Variants in RASA2 observed in about 807,000 individuals in gnomAD.
RASA2 encodes the protein RAS p21 protein activator 2.
In RASA2, 155 loss-of-function variants were observed where a neutral mutation model predicts 118.2. The ratio of observed to expected loss-of-function variants is 1.31; its 90% confidence interval spans 1.15 to 1.50. RASA2 has a LOEUF of 1.50. RASA2 is among the 40% of genes most tolerant of loss of function. RASA2 has a pLI of 0.00. For synonymous variants in RASA2, 353 were observed against 349.1 expected (o/e 1.01, Z -0.12); for missense variants, 1,016 against 1,009.6 (o/e 1.01, Z -0.09).
intron 4 of RASA2, among the ~76,000 whole-genome samples, chr3:141,539,707 T>C (rs941359812): frequency 6.6e-6 from 1 of 152,196 alleles, no homozygotes; most frequent in East Asian, 1.9e-4. Flanking sequence ...TTAGAATTGT[T>C]AGCGCAGAAT....
chr3:141,550,555 T>C (rs1252742628), intron 5 of RASA2, among the ~76,000 whole-genome samples: 1 of 152,264 alleles, frequency 6.6e-6, no homozygotes, highest in Non-Finnish European at 1.5e-5. Flanking sequence ...TACAAAACGT[T>C]AACATTTGTT....
chr3:141,501,961 A>G (rs1017856911), intron 1 of RASA2, among the ~76,000 whole-genome samples: 5 of 151,888 alleles, frequency 3.3e-5, no homozygotes, highest in East Asian at 3.9e-4. Flanking sequence ...TGATATTTCT[A>G]TTACTGGTTG....
intron 5 of RASA2, among the ~76,000 whole-genome samples, chr3:141,542,503 TCCC>T (rs1318119145): frequency 6.6e-6 from 1 of 152,136 alleles, no homozygotes; most frequent in African/African-American, 2.4e-5. Context: ...TTGATTTTTT[TCCC>T]CCAACTTTAA....
intron 3 of RASA2, among the ~76,000 whole-genome samples, chr3:141,523,717 C>G (rs1262764653): frequency 1.3e-5 from 2 of 152,152 alleles, no homozygotes; most frequent in African/African-American, 4.8e-5. Context: ...AACTGACTAT[C>G]TTAGTAGACT....
intron 5 of RASA2, among the ~76,000 whole-genome samples, chr3:141,548,065 G>A (rs116044786): frequency 6.5e-4 from 99 of 152,200 alleles, no homozygotes; most frequent in Non-Finnish European, 1.1e-3. Flanking sequence ...TCTTTTTAAC[G>A]TGTTGTCGAA....
chr3:141,607,947 G>A lies in RASA2; in HGVS notation c.2016+187G>A, dbSNP rs550641951. Among the ~76,000 whole-genome samples the A allele has an allele frequency of 7.9e-5, 12 of 152,204 alleles. No homozygotes were observed. In the South Asian group the frequency reaches 2.3e-3, roughly 29 times the overall value. On this transcript the variant is annotated intron_variant, in intron 20 of 23. Transcript: ENST00000286364. ...ATCATTAATAGTTCATAAATAGCTA[G>A]CTGAAACTCTGTCTTAAAATTGTCC...
At chr3:141,517,948 C>G (rs1339908003) in intron 3 of RASA2, among the ~76,000 whole-genome samples, 1 of 152,082 alleles carries the variant, frequency 6.6e-6, no homozygotes, top group African/African-American at 2.4e-5. Context: ...AGCCACTGCT[C>G]CCGGCCAATA....
intron 9 of RASA2, among the ~76,000 whole-genome samples, chr3:141,561,033 G>A (rs541529001): frequency 4.6e-5 from 7 of 152,084 alleles, no homozygotes; most frequent in African/African-American, 1.7e-4. Flanking sequence ...AGATTTATTG[G>A]TCTTTATGTT....
At chr3:141,590,687 A>C (rs2083274416) in intron 19 of RASA2, among the ~76,000 whole-genome samples, 1 of 152,170 alleles carries the variant, frequency 6.6e-6, no homozygotes, top group African/African-American at 2.4e-5. Flanking sequence ...TGGTGTCTGA[A>C]AGAATACCTC....
chr3:141,518,143 C>G (rs937900661), intron 3 of RASA2, among the ~76,000 whole-genome samples: 1 of 151,864 alleles, frequency 6.6e-6, no homozygotes, highest in Non-Finnish European at 1.5e-5. Context: ...TTTCATCTCC[C>G]TTTCCTTTTT....
chr3:141,569,811 T>G (rs1425529922), intron 9 of RASA2, among the ~76,000 whole-genome samples: 1 of 151,836 alleles, frequency 6.6e-6, no homozygotes, highest in Non-Finnish European at 1.5e-5. Flanking sequence ...GAACCCCCAG[T>G]GTCTATTGTT....
At chr3:141,559,764 G>C (rs970861759) in intron 8 of RASA2, 130 bp from the exon 9 acceptor site, 1 of 691,758 alleles carries the variant, frequency 1.4e-6, no homozygotes. Context: ...TATGTATATG[G>C]TGTTGCTAAC....
intron 4 of RASA2, among the ~76,000 whole-genome samples, chr3:141,531,567 A>G (rs1187221542): frequency 6.6e-6 from 1 of 151,928 alleles, no homozygotes. Context: ...ATGTATATAT[A>G]CACATTTGAG....
At chr3:141,573,308 A>G (rs2151131597) in intron 13 of RASA2, 87 bp downstream of exon 13, 3 of 1,371,770 alleles carry the variant, frequency 2.2e-6, no homozygotes, top group Non-Finnish European at 2.9e-6. Flanking sequence ...ATAAAGCCAT[A>G]TAGAGGGAAG....
chr3:141,511,807 G>A (rs531043068), intron 1 of RASA2, among the ~76,000 whole-genome samples: 3 of 151,990 alleles, frequency 2.0e-5, no homozygotes, highest in East Asian at 1.9e-4. Flanking sequence ...GGGAATGATC[G>A]CTAGAGAGGA....
At chr3:141,550,017 C>G (rs1022328172) in intron 5 of RASA2, among the ~76,000 whole-genome samples, 3 of 152,050 alleles carry the variant, frequency 2.0e-5, no homozygotes, top group African/African-American at 7.2e-5. Context: ...AACTCAAATA[C>G]TTGGTAGGGA....
chr3:141,608,005 TTTG>T (rs1478505527), intron 20 of RASA2, among the ~76,000 whole-genome samples: 1 of 152,162 alleles, frequency 6.6e-6, no homozygotes, highest in African/African-American at 2.4e-5. Flanking sequence ...GCTTGCCTAG[TTTG>T]TTAAGTTAAA....
At chr3:141,502,973 A>G (rs1474656803) in intron 1 of RASA2, among the ~76,000 whole-genome samples, 3 of 152,194 alleles carry the variant, frequency 2.0e-5, no homozygotes, top group Non-Finnish European at 4.4e-5. Context: ...GAAAGACTCT[A>G]GGCTTTGGAG....
intron 7 of RASA2, 76 bp downstream of exon 7, chr3:141,555,988 A>G (rs1577729214): frequency 2.7e-6 from 3 of 1,123,892 alleles, no homozygotes; most frequent in Admixed American, 2.2e-5. Context: ...TTTTCAAACC[A>G]CAGTCATAGT....
Sources: allele counts gnomAD v4.1 joint callset (sites outside exome capture counted in the v4.1 genomes callset), GRCh38; gene constraint gnomAD v4.1.1; transcripts MANE v1.5; gene names NCBI Gene and HGNC (gene_info 2026-07-23, HGNC 2026-07-21).